ZC3HAV1: variants seen among roughly 807,000 people sequenced by gnomAD.
ZC3HAV1 encodes the protein zinc finger CCCH-type antiviral protein 1.
A neutral mutation model predicts 86.6 loss-of-function variants in ZC3HAV1; 41 were observed. The observed-to-expected ratio is 0.47, with a 90% CI of 0.37 to 0.61. The LOEUF (loss-of-function observed/expected upper bound fraction) is 0.61, where lower values mean the gene tolerates loss of function less well. Ranked by LOEUF, ZC3HAV1 falls within the 20% of genes least tolerant of loss-of-function variation. The probability of loss-of-function intolerance (pLI) is 0.00; values close to 1 mark genes in which losing one functional copy is unlikely to be tolerated. For synonymous variants in ZC3HAV1, 421 were observed against 432.1 expected (o/e 0.97, Z 0.32); for missense variants, 964 against 1,141.1 (o/e 0.84, Z 2.24).
Position 139,109,400 on chromosome 7 carries a change from T to A in ZC3HAV1, c.-69A>T, listed in dbSNP as rs1818042283. On this transcript the variant is annotated 5_prime_UTR_variant, in exon 1 of 13. Transcript: ENST00000242351. The stretch of plus-strand genomic sequence containing the variant: ...TCCGCGGAAATCGGAAATCGAAACT[T>A]ACAAGTGTCCAGGGGCGGGCGCGGG... The A allele has an allele frequency of 6.8e-7, 1 of 1,462,448 alleles. No homozygotes were observed. Among genetic ancestry groups the A allele is most frequent in the Non-Finnish European group, 9.0e-7 (1 of 1,108,954 alleles). The allele number at this position is 1,462,448 out of a possible 1,614,324, so 90.6% of individuals were successfully genotyped here. A position where few individuals can be genotyped will look rare whatever the true frequency, so the allele number is the denominator to read the frequency against.
chr7:139,093,767 T>C (rs1817500478), intron 1 of ZC3HAV1, among the ~76,000 whole-genome samples: 1 of 152,144 alleles, frequency 6.6e-6, no homozygotes, highest in African/African-American at 2.4e-5. Flanking sequence ...TAAACAGCCT[T>C]GTTGCTCACA....
At chr7:139,103,451 C>T (rs1450708443) in intron 1 of ZC3HAV1, among the ~76,000 whole-genome samples, 1 of 151,770 alleles carries the variant, frequency 6.6e-6, no homozygotes, top group African/African-American at 2.4e-5. Context: ...CAAAGCCTTC[C>T]GACTGGCATA....
intron 1 of ZC3HAV1, among the ~76,000 whole-genome samples, chr7:139,106,145 T>C (rs1301618957): frequency 6.6e-6 from 1 of 152,188 alleles, no homozygotes; most frequent in Non-Finnish European, 1.5e-5. Flanking sequence ...ATATTATATA[T>C]ATTCTTATAA....
Position 139,076,554 on chromosome 7 carries a change from G to A in ZC3HAV1, c.1574-145C>T. 3.7e-6 allele frequency: 4 copies of A among 1,082,384 alleles called. No individual in the cohort carries two copies. In the South Asian group the frequency reaches 4.6e-5, roughly 13 times the overall value. The allele number at this position is 1,082,384 out of a possible 1,614,324, so 67.0% of individuals were successfully genotyped here. ...TCTATACCAGCTGACACTGCTGTGT[G>A]TCCATTATCCAGGTTCCTTCATTAC... is the stretch of plus-strand genomic sequence containing the variant. On this transcript the variant is annotated intron_variant, in intron 5 of 12. Coordinates refer to ENST00000242351, the MANE Select transcript of ZC3HAV1 (RefSeq NM_020119.4).
intron 1 of ZC3HAV1, among the ~76,000 whole-genome samples, chr7:139,097,584 G>A (rs988169928): frequency 6.7e-6 from 1 of 150,316 alleles, no homozygotes; most frequent in East Asian, 2.0e-4. Flanking sequence ...ACAGGTGCCC[G>A]CCACCACGCT....
chr7:139,092,996 C>T (rs1400765018), intron 1 of ZC3HAV1, among the ~76,000 whole-genome samples: 1 of 152,174 alleles, frequency 6.6e-6, no homozygotes, highest in Non-Finnish European at 1.5e-5. Flanking sequence ...GGATATTGAT[C>T]AGCCACGAAG....
rs397748703 is a variant in ZC3HAV1 at position 139,046,745 on chromosome 7, T to TC, written c.*848dup. The TC allele has an allele frequency of 1.3e-5, 2 of 152,338 alleles. No individual in the cohort carries two copies. The highest frequency in any genetic ancestry group is 2.4e-5 in the African/African-American group (1 of 41,564). The allele number at this position is 152,338 out of a possible 1,614,324, so 9.4% of individuals were successfully genotyped here. ...ATAGCACTTCAATTTTACTTTTTTTTCCCCTAGCATGTCCTTAAGCATTTT... is the reference window on the plus strand; with the variant it reads ...ATAGCACTTCAATTTTACTTTTTTTTCCCCCTAGCATGTCCTTAAGCATTTT... On this transcript the variant is annotated 3_prime_UTR_variant, in exon 13 of 13. Transcript: ENST00000242351.
intron 12 of ZC3HAV1, among the ~76,000 whole-genome samples, chr7:139,049,195 G>T (rs1329580384): frequency 2.1e-5 from 3 of 145,374 alleles, no homozygotes; most frequent in African/African-American, 7.8e-5. Flanking sequence ...TGTCACCCAG[G>T]CTGGGGTGCA....
chr7:139,046,358 T>C lies in ZC3HAV1; in HGVS notation c.*1236A>G, dbSNP rs1158497946. On this transcript the variant is annotated 3_prime_UTR_variant, in exon 13 of 13. Coordinates refer to ENST00000242351, the MANE Select transcript of ZC3HAV1 (RefSeq NM_020119.4). The stretch of plus-strand genomic sequence containing the variant: ...CCCTGCTCCTAGGTTCTTGGCTCAC[T>C]TGCCAAGACTACAATAGCACTCGCG... 1 of 152,216 alleles carries C rather than the reference T, an allele frequency of 6.6e-6. No individual in the cohort carries two copies. The highest frequency in any genetic ancestry group is 1.5e-5 in the Non-Finnish European group (1 of 68,042). The allele number at this position is 152,216 out of a possible 1,614,324, so 9.4% of individuals were successfully genotyped here.
chr7:139,071,988 A>G (rs1216584574), intron 7 of ZC3HAV1, among the ~76,000 whole-genome samples: 1 of 152,178 alleles, frequency 6.6e-6, no homozygotes, highest in Non-Finnish European at 1.5e-5. Flanking sequence ...CTAACATAAC[A>G]GAGTAGTGCC....
intron 1 of ZC3HAV1, among the ~76,000 whole-genome samples, chr7:139,097,426 ATATT>A (rs1206196818): frequency 5.6e-4 from 42 of 75,246 alleles, no homozygotes; most frequent in South Asian, 1.1e-3. Flanking sequence ...ATATATATAT[ATATT>A]TTTTTTTTTT....
intron 1 of ZC3HAV1, among the ~76,000 whole-genome samples, chr7:139,093,684 A>G (rs893401874): frequency 1.3e-5 from 2 of 152,120 alleles, no homozygotes; most frequent in African/African-American, 4.8e-5. Flanking sequence ...CCCAAATCCT[A>G]TAAAACGGCC....
Position 139,061,067 on chromosome 7 carries a change from A to G in ZC3HAV1, c.2065T>C (p.Trp689Arg). The change falls in exon 9 of 13, where the codon TGG (tryptophan) becomes CGG (arginine). Residue 689 changes from tryptophan (W) to arginine (R), a missense_variant. By Grantham distance (101) the Trp-to-Arg change is moderately radical (BLOSUM62 -3). Transcript: ENST00000242351. ...CCTCTCTTCATCTGCTGCACATACCACTGAGGCACAAATGTTGGTCTTCTG... is the reference window on the plus strand; with the variant it reads ...CCTCTCTTCATCTGCTGCACATACCGCTGAGGCACAAATGTTGGTCTTCTG... ...VIRRPTFVPQ[W>R]YVQQMKRGPD... 1 of 1,613,648 alleles carries G rather than the reference A, an allele frequency of 6.2e-7. No homozygotes were observed. The highest frequency in any genetic ancestry group is 1.6e-4 in the Middle Eastern group (1 of 6,062).
At chr7:139,061,193 T>C (rs1816433678) in intron 8 of ZC3HAV1, 55 bp from the exon 9 acceptor site, 1 of 1,552,656 alleles carries the variant, frequency 6.4e-7, no homozygotes, top group Non-Finnish European at 8.8e-7. Context: ...CCCTAGAAAA[T>C]GACTTCTTGT....
chr7:139,065,702 G>A (rs577500899), intron 7 of ZC3HAV1, among the ~76,000 whole-genome samples: 18 of 152,062 alleles, frequency 1.2e-4, no homozygotes, highest in Non-Finnish European at 2.6e-4. Context: ...TCAAGAGATC[G>A]AGACCATCCT....
At chr7:139,099,849 C>T (rs1817699192) in intron 1 of ZC3HAV1, among the ~76,000 whole-genome samples, 1 of 151,930 alleles carries the variant, frequency 6.6e-6, no homozygotes, top group African/African-American at 2.4e-5. Context: ...ATCGCTTGAA[C>T]CCAGGAGGCG....
At chr7:139,068,813 G>A (rs1308818030) in intron 7 of ZC3HAV1, among the ~76,000 whole-genome samples, 2 of 152,180 alleles carry the variant, frequency 1.3e-5, no homozygotes, top group East Asian at 3.8e-4. Flanking sequence ...CATCAGAGAC[G>A]AGTCTCAGGC....
At chr7:139,064,251 A>G (rs1816533382) in intron 8 of ZC3HAV1, among the ~76,000 whole-genome samples, 1 of 152,198 alleles carries the variant, frequency 6.6e-6, no homozygotes, top group South Asian at 2.1e-4. Context: ...CCGAAAGGGC[A>G]AGCACTTGAT....
intron 1 of ZC3HAV1, among the ~76,000 whole-genome samples, chr7:139,107,245 C>T (rs900080152): frequency 2.0e-5 from 3 of 152,148 alleles, no homozygotes; most frequent in Non-Finnish European, 2.9e-5. Flanking sequence ...ATGATTTCCT[C>T]GATACCCATA....
Sources: gnomAD v4.1 joint callset for allele counts (sites outside exome capture counted in the v4.1 genomes callset) on GRCh38, gnomAD v4.1.1 for gene constraint, MANE v1.5 for transcripts, NCBI Gene and HGNC (gene_info 2026-07-23, HGNC 2026-07-21) for gene names.